Variants in CSGALNACT1 observed in about 807,000 individuals in gnomAD.
The protein encoded by CSGALNACT1 is beta4GalNAcT-1.
In CSGALNACT1, 52 loss-of-function variants were observed where a neutral mutation model predicts 51.0. The ratio of observed to expected loss-of-function variants is 1.02; its 90% confidence interval spans 0.82 to 1.29. The LOEUF (loss-of-function observed/expected upper bound fraction) is 1.29, where lower values mean the gene tolerates loss of function less well. CSGALNACT1 is among the 50% of genes most tolerant of loss of function. CSGALNACT1 has a pLI of 0.00. For missense variants in CSGALNACT1, 935 were observed against 679.2 expected, an observed-to-expected ratio of 1.38 and a Z score of -4.19; for synonymous variants, 341 against 254.4, an observed-to-expected ratio of 1.34 and a Z score of -3.24.
intron 1 of CSGALNACT1, among the ~76,000 whole-genome samples, chr8:19,636,873 A>ATG: frequency 6.6e-6 from 1 of 152,194 alleles, no homozygotes; most frequent in Non-Finnish European, 1.5e-5. Flanking sequence ...AAGCAAGGAC[A>ATG]TGCTACATCA....
At chr8:19,566,109 T>C (rs2041857073) in intron 3 of CSGALNACT1, among the ~76,000 whole-genome samples, 2 of 152,212 alleles carry the variant, frequency 1.3e-5, no homozygotes, top group Non-Finnish European at 2.9e-5. Context: ...GAGTGAATAT[T>C]ACCTTGCATG....
intron 6 of CSGALNACT1, among the ~76,000 whole-genome samples, chr8:19,438,827 G>C (rs1461781345): frequency 6.6e-6 from 1 of 152,206 alleles, no homozygotes; most frequent in African/African-American, 2.4e-5. Flanking sequence ...CTAGCATTCA[G>C]ATCTTGGGCC....
intron 4 of CSGALNACT1, among the ~76,000 whole-genome samples, chr8:19,504,079 A>C (rs961479785): frequency 5.3e-5 from 8 of 152,050 alleles, no homozygotes; most frequent in Non-Finnish European, 1.0e-4. Flanking sequence ...GGCAAGATGA[A>C]TTATTATTAT....
At chr8:19,646,832 C>T (rs1382321790) in intron 1 of CSGALNACT1, among the ~76,000 whole-genome samples, 1 of 152,148 alleles carries the variant, frequency 6.6e-6, no homozygotes. Flanking sequence ...CCATCTATTG[C>T]GTTGACCTGC....
intron 5 of CSGALNACT1, among the ~76,000 whole-genome samples, chr8:19,454,280 G>A (rs369424396): frequency 3.3e-5 from 5 of 152,326 alleles, no homozygotes; most frequent in East Asian, 1.9e-4. Flanking sequence ...TATTGGAAGA[G>A]GACTGCTGAT....
intron 1 of CSGALNACT1, among the ~76,000 whole-genome samples, chr8:19,720,282 A>C (rs2063047873): frequency 6.6e-6 from 1 of 152,162 alleles, no homozygotes; most frequent in African/African-American, 2.4e-5. Flanking sequence ...GCTTAATAAT[A>C]AGAGAGATAA....
At chr8:19,684,276 T>C (rs2060842458), upstream of CSGALNACT1, among the ~76,000 whole-genome samples, 1 of 151,962 alleles carries the variant, frequency 6.6e-6, no homozygotes, top group African/African-American at 2.4e-5. Flanking sequence ...AATAAATAAT[T>C]TATTATATGG....
chr8:19,609,190 T>A (rs78875944), intron 1 of CSGALNACT1, among the ~76,000 whole-genome samples: 1 of 151,400 alleles, frequency 6.6e-6, no homozygotes, highest in Non-Finnish European at 1.5e-5. Flanking sequence ...TTTTTTTTTA[T>A]ATTGAGATTG....
chr8:19,433,057 T>A (rs2153731004), intron 6 of CSGALNACT1, among the ~76,000 whole-genome samples: 1 of 152,304 alleles, frequency 6.6e-6, no homozygotes, highest in East Asian at 1.9e-4. Flanking sequence ...GCCTAGAAAG[T>A]AGAATCTCCT....
At chr8:19,470,781 T>A (rs992012728) in intron 4 of CSGALNACT1, among the ~76,000 whole-genome samples, 2 of 152,092 alleles carry the variant, frequency 1.3e-5, no homozygotes, top group African/African-American at 4.8e-5. Context: ...GGAGAAGCAA[T>A]GTCCTGGGAA....
intron 5 of CSGALNACT1, among the ~76,000 whole-genome samples, chr8:19,448,089 C>A (rs1380961569): frequency 1.3e-5 from 2 of 152,168 alleles, no homozygotes; most frequent in Non-Finnish European, 2.9e-5. Flanking sequence ...AACTTAACAT[C>A]TGCACATGTG....
At chr8:19,542,492 T>C (rs1344339709) in intron 3 of CSGALNACT1, among the ~76,000 whole-genome samples, 3 of 152,168 alleles carry the variant, frequency 2.0e-5, no homozygotes, top group Non-Finnish European at 1.5e-5. Flanking sequence ...TTTTTCTCCT[T>C]TCCTGCACAA....
At chr8:19,599,472 A>AAAAGAAAGAAAAGAAAG (rs1319884772) in intron 2 of CSGALNACT1, among the ~76,000 whole-genome samples, 1 of 113,736 alleles carries the variant, frequency 8.8e-6, no homozygotes, top group Non-Finnish European at 1.7e-5. Flanking sequence ...GAAAGAAAGA[A>AAAAGAAAGAAAAGAAAG]AAAGAAAGAA....
intron 3 of CSGALNACT1, among the ~76,000 whole-genome samples, chr8:19,539,485 G>C (rs564713885): frequency 6.6e-6 from 1 of 152,176 alleles, no homozygotes; most frequent in Non-Finnish European, 1.5e-5. Flanking sequence ...AGAAAGCACT[G>C]AATAAGTACG....
At chr8:19,439,037 G>T (rs2060860971) in intron 6 of CSGALNACT1, among the ~76,000 whole-genome samples, 1 of 152,124 alleles carries the variant, frequency 6.6e-6, no homozygotes, top group African/African-American at 2.4e-5. Flanking sequence ...CACTTGCACA[G>T]AAACCACCCA....
rs750290204 is a variant in CSGALNACT1 at position 19,505,344 on chromosome 8, G to GT, written c.490dup (p.Thr164AsnfsTer16). The GT allele has an allele frequency of 2.0e-5, 32 of 1,614,098 alleles. No individual in the cohort carries two copies. The highest frequency in any genetic ancestry group is 2.6e-5 in the Non-Finnish European group (31 of 1,180,040). ...CACAGGCTTCTCCTCGGGGTGGCGG[G>GT]TAAGGCCAGTCTCCAGCTGGTACAC... On this transcript the variant is annotated frameshift_variant, in exon 4 of 10. Coordinates refer to ENST00000454498, the Ensembl canonical transcript of CSGALNACT1. LOFTEE classifies it high-confidence loss of function.
exon 7 of CSGALNACT1, chr8:19,420,386 G>A: frequency 1.2e-6 from 2 of 1,614,172 alleles, no homozygotes; most frequent in South Asian, 1.1e-5. Flanking sequence ...CAGATGTGAA[G>A]TAGATGTCCA....
chr8:19,602,071 G>C, exon 1 of CSGALNACT1: 1 of 312,420 alleles, frequency 3.2e-6, no homozygotes, highest in Non-Finnish European at 6.3e-6. Context: ...AAAAATCAAG[G>C]CTTTAAACAG....
intron 1 of CSGALNACT1, among the ~76,000 whole-genome samples, chr8:19,734,100 A>C (rs1027457981): frequency 7.9e-5 from 12 of 152,214 alleles, no homozygotes; most frequent in African/African-American, 2.2e-4. Flanking sequence ...GAATTATAAC[A>C]GAACCTGAAT....
Sources: allele counts gnomAD v4.1 joint callset (sites outside exome capture counted in the v4.1 genomes callset), GRCh38; gene constraint gnomAD v4.1.1; transcripts MANE v1.5; gene names NCBI Gene and HGNC (gene_info 2026-07-23, HGNC 2026-07-21).